CRPPA: variants seen among roughly 807,000 people sequenced by gnomAD.
The protein encoded by CRPPA is D-ribitol-5-phosphate cytidylyltransferase.
A neutral mutation model predicts 52.0 loss-of-function variants in CRPPA; 43 were observed. The observed-to-expected ratio is 0.83, with a 90% CI of 0.65 to 1.07. CRPPA has a LOEUF of 1.07. Ranked by LOEUF, CRPPA falls within the 50% of genes least tolerant of loss-of-function variation. The pLI, the probability that CRPPA is intolerant of heterozygous loss-of-function variation, is 0.00. For missense variants in CRPPA, 629 were observed against 551.7 expected, an observed-to-expected ratio of 1.14 and a Z score of -1.40; for synonymous variants, 250 against 203.5, an observed-to-expected ratio of 1.23 and a Z score of -1.94.
At chr7:16,399,088 C>T (rs1402041215) in intron 2 of CRPPA, among the ~76,000 whole-genome samples, 1 of 152,226 alleles carries the variant, frequency 6.6e-6, no homozygotes, top group Non-Finnish European at 1.5e-5. Flanking sequence ...GTGACTGACA[C>T]ATGATAGACG....
chr7:16,112,092 A>G (rs1782276234), intron 9 of CRPPA, among the ~76,000 whole-genome samples: 1 of 152,162 alleles, frequency 6.6e-6, no homozygotes, highest in Non-Finnish European at 1.5e-5. Context: ...AGGCGGGAAG[A>G]TTGCCTGAGC....
chr7:16,164,397 C>A (rs1401379272), intron 9 of CRPPA, among the ~76,000 whole-genome samples: 1 of 152,134 alleles, frequency 6.6e-6, no homozygotes, highest in Non-Finnish European at 1.5e-5. Context: ...GTTATTCTAG[C>A]TAGCAGTTCC....
chr7:16,401,582 T>C (rs1787818848), intron 2 of CRPPA, among the ~76,000 whole-genome samples: 1 of 152,236 alleles, frequency 6.6e-6, no homozygotes, highest in African/African-American at 2.4e-5. Flanking sequence ...GCTTTGTTGA[T>C]GCAGTCTCAT....
intron 3 of CRPPA, among the ~76,000 whole-genome samples, chr7:16,309,889 T>C (rs996963373): frequency 1.3e-5 from 2 of 152,172 alleles, no homozygotes; most frequent in African/African-American, 4.8e-5. Flanking sequence ...CCATAACTAA[T>C]ATTATTTGAA....
At chr7:16,308,038 G>A (rs1179759296) in intron 4 of CRPPA, among the ~76,000 whole-genome samples, 1 of 152,038 alleles carries the variant, frequency 6.6e-6, no homozygotes, top group Non-Finnish European at 1.5e-5. Context: ...GGATCGTGGG[G>A]GCAGATTTCC....
intron 2 of CRPPA, among the ~76,000 whole-genome samples, chr7:16,405,319 T>C (rs1002046620): frequency 2.0e-5 from 3 of 152,250 alleles, no homozygotes; most frequent in Non-Finnish European, 2.9e-5. Flanking sequence ...TTTTTTATAT[T>C]TTCACAGGTA....
At chr7:16,375,160 C>T (rs1436115549) in intron 3 of CRPPA, among the ~76,000 whole-genome samples, 1 of 152,152 alleles carries the variant, frequency 6.6e-6, no homozygotes, top group Non-Finnish European at 1.5e-5. Context: ...CATGGATCAG[C>T]TTGTATCTGA....
intron 1 of CRPPA, among the ~76,000 whole-genome samples, chr7:16,411,873 C>A (rs1423202869): frequency 6.6e-6 from 1 of 152,000 alleles, no homozygotes; most frequent in South Asian, 2.1e-4. Context: ...TGTCACTTTT[C>A]ATAGTATATT....
intron 9 of CRPPA, among the ~76,000 whole-genome samples, chr7:16,215,444 T>C (rs1562562385): frequency 6.6e-6 from 1 of 152,236 alleles, no homozygotes; most frequent in Non-Finnish European, 1.5e-5. Flanking sequence ...AAAGAATCTG[T>C]AATGGTAGCT....
intron 8 of CRPPA, among the ~76,000 whole-genome samples, chr7:16,222,347 T>TGAC (rs775344870): frequency 6.2e-5 from 9 of 144,114 alleles, no homozygotes; most frequent in Non-Finnish European, 1.1e-4. Context: ...TAATGCTAGA[T>TGAC]GACGAGTTAG....
chr7:16,211,665 C>G (rs1381711897), intron 9 of CRPPA, among the ~76,000 whole-genome samples: 3 of 152,154 alleles, frequency 2.0e-5, no homozygotes, highest in Non-Finnish European at 4.4e-5. Context: ...ATTCCTCTAT[C>G]TAGTGGACAC....
intron 9 of CRPPA, among the ~76,000 whole-genome samples, chr7:16,100,811 T>C (rs1782029594): frequency 6.6e-6 from 1 of 152,172 alleles, no homozygotes; most frequent in Non-Finnish European, 1.5e-5. Flanking sequence ...CTCTTATTAT[T>C]TTGAGATATG....
chr7:16,405,321 T>C (rs887780418), intron 2 of CRPPA, among the ~76,000 whole-genome samples: 13 of 152,120 alleles, frequency 8.5e-5, no homozygotes, highest in African/African-American at 2.9e-4. Context: ...TTTTATATTT[T>C]CACAGGTAGG....
chr7:16,234,643 C>T (rs1174219188), intron 8 of CRPPA, among the ~76,000 whole-genome samples: 2 of 152,066 alleles, frequency 1.3e-5, no homozygotes, highest in East Asian at 1.9e-4. Context: ...TCCTTCTTTT[C>T]TGCAAGTCAT....
At chr7:16,216,398 C>CGT (rs1782311171) in intron 8 of CRPPA, 10 of 386,900 alleles carry the variant, frequency 2.6e-5, no homozygotes, top group Admixed American at 4.5e-5. Flanking sequence ...AGTAAACACT[C>CGT]AGAGAAAACG....
chr7:16,242,769 T>TA (rs200236931), intron 8 of CRPPA, among the ~76,000 whole-genome samples: 2 of 152,250 alleles, frequency 1.3e-5, no homozygotes, highest in East Asian at 3.9e-4. Context: ...AGTCTCCAAT[T>TA]AAAAAAAAAT....
At chr7:16,387,298 G>T (rs1369130928) in intron 2 of CRPPA, among the ~76,000 whole-genome samples, 1 of 151,464 alleles carries the variant, frequency 6.6e-6, no homozygotes, top group African/African-American at 2.4e-5. Context: ...GGAAAATAGA[G>T]CCATGTAATT....
chr7:16,219,930 C>T (rs2128399828), intron 8 of CRPPA, among the ~76,000 whole-genome samples: 1 of 148,146 alleles, frequency 6.8e-6, no homozygotes, highest in South Asian at 2.2e-4. Flanking sequence ...GGAATCCTCC[C>T]TAACTCATTT....
chr7:16,239,036 G>A (rs1217884575), intron 8 of CRPPA, among the ~76,000 whole-genome samples: 1 of 151,158 alleles, frequency 6.6e-6, no homozygotes, highest in Non-Finnish European at 1.5e-5. Flanking sequence ...TTACTCAGGA[G>A]GTGGAGGCAG....
Sources: allele counts gnomAD v4.1 joint callset (sites outside exome capture counted in the v4.1 genomes callset), GRCh38; gene constraint gnomAD v4.1.1; transcripts MANE v1.5; gene names NCBI Gene and HGNC (gene_info 2026-07-23, HGNC 2026-07-21).